Variants in DDX28 observed in about 807,000 individuals in gnomAD.
DDX28 encodes the protein probable ATP-dependent RNA helicase DDX28.
DDX28 carries 25 observed loss-of-function variants against 26.8 expected under a neutral mutation model. That is an observed-to-expected ratio of 0.93 (90% CI 0.68 to 1.30). The LOEUF (loss-of-function observed/expected upper bound fraction) is 1.30. Ranked by LOEUF, DDX28 falls within the 50% of genes most tolerant of loss-of-function variation. DDX28 has a pLI of 0.00. For synonymous variants in DDX28, 370 were observed against 311.9 expected, an observed-to-expected ratio of 1.19 and a Z score of -1.96; for missense variants, 790 against 695.1, an observed-to-expected ratio of 1.14 and a Z score of -1.53.
chr16:68,021,285 T>C lies in DDX28; in HGVS notation c.*295A>G. The C allele has an allele frequency of 2.6e-6, 1 of 387,438 alleles. No individual in the cohort carries two copies. The highest frequency in any genetic ancestry group is 4.7e-6 in the Non-Finnish European group (1 of 212,498). 24.0% of individuals were successfully genotyped at this position (387,438 alleles called of 1,614,324 possible). On this transcript the variant is annotated 3_prime_UTR_variant, in exon 1 of 1. Coordinates refer to ENST00000332395, the MANE Select transcript of DDX28 (RefSeq NM_018380.4). The stretch of plus-strand genomic sequence containing the variant: ...CAGAAACTACTGAATTCCGCCCCGG[T>C]GCTAATTATTCTTAGGGGAGGCACA...
Position 68,023,017 on chromosome 16 carries a change from A to T in DDX28, c.186T>A (p.Val62=). Residue 62 remains valine, a synonymous_variant, in exon 1 of 1, where the codon GTT becomes GTA. Coordinates refer to ENST00000332395, the MANE Select transcript of DDX28 (RefSeq NM_018380.4). ...CCGAAACCAGCAGCGGTCCGGGTCG[A>T]ACCAGCACCGGCCTCGGGAGGTTCC... ...RRRNLPRPVL[V]RPGPLLVSAR... 2 of 1,581,138 alleles carry T rather than the reference A, an allele frequency of 1.3e-6. No homozygotes were observed. The highest frequency in any genetic ancestry group is 1.7e-6 in the Non-Finnish European group (2 of 1,172,050).
At position 68,022,975 on chromosome 16, in the gene DDX28, C is replaced by T; in HGVS notation, c.228G>A (p.Leu76=). ...CCAGTGTGAGGCGCGCCGGCTGGTT[C>T]AACTCCGGCCGCCGCGCCGAAACCA... ...PLLVSARRPE[L]NQPARLTLGR... The change falls in exon 1 of 1, where the codon TTG becomes TTA. Residue 76 remains leucine (L), a synonymous_variant. Transcript: ENST00000332395. The T allele has an allele frequency of 6.5e-7, 1 of 1,550,088 alleles. No individual in the cohort carries two copies. Among genetic ancestry groups the T allele is most frequent in the Non-Finnish European group, 8.7e-7 (1 of 1,155,516 alleles).
At position 68,022,540 on chromosome 16, in the gene DDX28, A is replaced by G. The variant is rs779986783; in HGVS notation, c.663T>C (p.Ala221=). The G allele has an allele frequency of 8.1e-6, 13 of 1,613,820 alleles. No individual in the cohort carries two copies. The highest frequency in any genetic ancestry group is 1.1e-5 in the Non-Finnish European group (13 of 1,180,022). Reference sequence around the variant, plus strand: ...AGGAGCGGCCCAAGGGTTGGGCCACAGCCCGCACCTGTTGGGCCAATTCTC... The same window carrying G: ...AGGAGCGGCCCAAGGGTTGGGCCACGGCCCGCACCTGTTGGGCCAATTCTC... ...PSRELAQQVR[A]VAQPLGRSLG... is the part of the protein sequence containing the mutation. The change falls in exon 1 of 1, where the codon GCT becomes GCC. Residue 221 remains alanine, a synonymous_variant. Coordinates refer to ENST00000332395, the MANE Select transcript of DDX28 (RefSeq NM_018380.4).
In DDX28 at chr16:68,022,376, C is replaced by A. The variant is rs551189908; in HGVS notation, c.827G>T (p.Ser276Ile). The A allele has an allele frequency of 1.7e-4, 270 of 1,614,222 alleles. 4 individuals are homozygous for A. The South Asian group carries it at 2.9e-3, about 17-fold the overall frequency. The change falls in exon 1 of 1, where the codon AGT (serine) becomes ATT (isoleucine). Residue 276 changes from serine to isoleucine, a missense_variant. Coordinates refer to ENST00000332395, the MANE Select transcript of DDX28 (RefSeq NM_018380.4). ...LWKALKSRLI[S>I]LEQLSFLVLD... is the part of the protein sequence containing the mutation. ...CACCAAGAAGGAGAGTTGCTCCAGA[C>A]TGATCAGTCGACTTTTCAGGGCCTT...
In DDX28 at chr16:68,022,076, T is replaced by C; in HGVS notation, c.1127A>G (p.Asp376Gly). The C allele has an allele frequency of 1.2e-6, 2 of 1,614,218 alleles. No homozygotes were observed. The highest frequency in any genetic ancestry group is 1.7e-6 in the Non-Finnish European group (2 of 1,180,034). Reference protein sequence around the residue: ...KQTFLRLKGADKVAELVHILK... With the variant: ...KQTFLRLKGAGKVAELVHILK... ...GATGTGCACCAGCTCGGCCACCTTA[T>C]CTGCTCCCTTCAGTCTCAGAAATGT... Residue 376 changes from aspartate to glycine, a missense_variant, in exon 1 of 1, where the codon GAT becomes GGT. Coordinates refer to ENST00000332395, the MANE Select transcript of DDX28 (RefSeq NM_018380.4).
In DDX28 at chr16:68,022,137, AGCTGGTGAT is replaced by A; in HGVS notation, c.1057_1065del (p.Ile353_Ser355del). ...TGAGGCATGATACAGTGGAGCTTGG[AGCTGGTGAT>A]GGTGGTGACAGCATCTGGGCTGGCG... On this transcript the variant is annotated inframe_deletion, in exon 1 of 1. Transcript: ENST00000332395. 6.2e-7 allele frequency: 1 copy of A among 1,614,144 alleles called. No homozygotes were observed.
At position 68,021,964 on chromosome 16, in the gene DDX28, CA is replaced by C; in HGVS notation, c.1238del (p.Leu413ArgfsTer13). The C allele has an allele frequency of 6.2e-7, 1 of 1,614,182 alleles. No individual in the cohort carries two copies. Among genetic ancestry groups the C allele is most frequent in the Non-Finnish European group, 8.5e-7 (1 of 1,180,034 alleles). On this transcript the variant is annotated frameshift_variant, in exon 1 of 1. Coordinates refer to ENST00000332395, the MANE Select transcript of DDX28 (RefSeq NM_018380.4). LOFTEE classifies it high-confidence loss of function. ...TTTTGTGGTCATCCAGAATATATCCCAGCCAGTTCACAGTGCTGGAGCTATT... is the reference window on the plus strand; with the variant it reads ...TTTTGTGGTCATCCAGAATATATCCCGCCAGTTCACAGTGCTGGAGCTATT... The part of the protein sequence containing the change: ...FCNSSSTVNW[L>X]GYILDDHKIQ...
Position 68,022,847 on chromosome 16 carries a change from A to G in DDX28, c.356T>C (p.Val119Ala), listed in dbSNP as rs770839264. ...IERAQQEAPA[V>A]RKLSSKGSFA... ...GCTGCCCTTAGACGAGAGCTTTCGC[A>G]CCGCTGGCGCCTCCTGTTGCGCGCG... is the stretch of plus-strand genomic sequence containing the variant. The change falls in exon 1 of 1, where the codon GTG (valine) becomes GCG (alanine). Residue 119 changes from valine (V) to alanine (A), a missense_variant. Physicochemically the swap from Val to Ala is moderately conservative, Grantham distance 64. Coordinates refer to ENST00000332395, the MANE Select transcript of DDX28 (RefSeq NM_018380.4). 2 of 1,569,888 alleles carry G rather than the reference A, an allele frequency of 1.3e-6. No homozygotes were observed. The highest frequency in any genetic ancestry group is 1.2e-5 in the South Asian group (1 of 86,114).
rs765330276 is a variant in DDX28 at position 68,023,061 on chromosome 16, G to C, written c.142C>G (p.Gln48Glu). 5.0e-6 allele frequency: 8 copies of C among 1,599,134 alleles called. No homozygotes were observed. In the African/African-American group the frequency reaches 1.1e-4, roughly 21 times the overall value. Residue 48 changes from glutamine to glutamate, a missense_variant, in exon 1 of 1, where the codon CAG becomes GAG. Gln to Glu is a conservative substitution (Grantham distance 29). Coordinates refer to ENST00000332395, the MANE Select transcript of DDX28 (RefSeq NM_018380.4). ...IPVALQRQLE[Q>E]RQSRRRNLPR... ...AGGTTCCGCCGCCTGCTCTGCCGCT[G>C]TTCCAACTGCCGCTGTAGAGCCACT... is the stretch of plus-strand genomic sequence containing the variant.
In DDX28 at chr16:68,022,950, C is replaced by A. The variant is rs773726597; in HGVS notation, c.253G>T (p.Gly85Cys). The change falls in exon 1 of 1, where the codon GGC becomes TGC. Residue 85 changes from glycine to cysteine, a missense_variant. Gly to Cys is a radical substitution (Grantham distance 159). Coordinates refer to ENST00000332395, the MANE Select transcript of DDX28 (RefSeq NM_018380.4). Reference protein sequence around the residue: ...ELNQPARLTLGRWERAPLASQ... With the variant: ...ELNQPARLTLCRWERAPLASQ... ...GCTAGCGGCGCGCGCTCCCAACGGC[C>A]CAGTGTGAGGCGCGCCGGCTGGTTC... The A allele has an allele frequency of 3.9e-6, 6 of 1,552,014 alleles. No individual in the cohort carries two copies. In the East Asian group the frequency reaches 7.2e-5, roughly 19 times the overall value.
chr16:68,023,027 G>A lies in DDX28; in HGVS notation c.176C>T (p.Pro59Leu). 6.3e-7 allele frequency: 1 copy of A among 1,586,778 alleles called. No homozygotes were observed. The highest frequency in any genetic ancestry group is 8.5e-7 in the Non-Finnish European group (1 of 1,174,528). ...CAGCGGTCCGGGTCGAACCAGCACC[G>A]GCCTCGGGAGGTTCCGCCGCCTGCT... ...RQSRRRNLPRPVLVRPGPLLV... is the reference protein window; with the variant it reads ...RQSRRRNLPRLVLVRPGPLLV... Residue 59 changes from proline (P) to leucine (L), a missense_variant, in exon 1 of 1, where the codon CCG (proline) becomes CTG (leucine). Coordinates refer to ENST00000332395, the MANE Select transcript of DDX28 (RefSeq NM_018380.4).
Position 68,022,402 on chromosome 16 carries a change from C to G in DDX28, c.801G>C (p.Trp267Cys). 1.2e-6 allele frequency: 2 copies of G among 1,614,116 alleles called. No individual in the cohort carries two copies. Among genetic ancestry groups the G allele is most frequent in the Non-Finnish European group, 1.7e-6 (2 of 1,180,032 alleles). The change falls in exon 1 of 1, where the codon TGG becomes TGC. Residue 267 changes from tryptophan to cysteine, a missense_variant. Trp to Cys is a radical substitution (Grantham distance 215). Coordinates refer to ENST00000332395, the MANE Select transcript of DDX28 (RefSeq NM_018380.4). The part of the protein sequence containing the change: ...DVLVATPGAL[W>C]KALKSRLISL... ...TGATCAGTCGACTTTTCAGGGCCTT[C>G]CACAGAGCCCCTGGAGTGGCCACAA...
At position 68,021,933 on chromosome 16, in the gene DDX28, G is replaced by A; in HGVS notation, c.1270C>T (p.His424Tyr). 2 of 1,614,206 alleles carry A rather than the reference G, an allele frequency of 1.2e-6. No homozygotes were observed. Among genetic ancestry groups the A allele is most frequent in the Non-Finnish European group, 1.7e-6 (2 of 1,180,028 alleles). The change falls in exon 1 of 1, where the codon CAC (histidine) becomes TAC (tyrosine). Residue 424 changes from histidine (H) to tyrosine (Y), a missense_variant. Coordinates refer to ENST00000332395, the MANE Select transcript of DDX28 (RefSeq NM_018380.4). Reference sequence around the variant, plus strand: ...GGCATTTGCCCCTGCAACCTTAGGTGTTGGATTTTGTGGTCATCCAGAATA... The same window carrying A: ...GGCATTTGCCCCTGCAACCTTAGGTATTGGATTTTGTGGTCATCCAGAATA... ...GYILDDHKIQ[H>Y]LRLQGQMPAL...
rs1421187038 is a variant in DDX28 at position 68,021,530 on chromosome 16, C to T, written c.*50G>A. On this transcript the variant is annotated 3_prime_UTR_variant, in exon 1 of 1. Transcript: ENST00000332395. Reference sequence around the variant, plus strand: ...CAAGTGTGGTCACCCACTCAAGATACTGGGAAAGATCCCTGTTCTAGCATC... The same window carrying T: ...CAAGTGTGGTCACCCACTCAAGATATTGGGAAAGATCCCTGTTCTAGCATC... 1 of 1,569,750 alleles carries T rather than the reference C, an allele frequency of 6.4e-7. No individual in the cohort carries two copies. Among genetic ancestry groups the T allele is most frequent in the Non-Finnish European group, 8.7e-7 (1 of 1,155,404 alleles).
Position 68,022,103 on chromosome 16 carries a change from T to C in DDX28, c.1100A>G (p.Gln367Arg). Residue 367 changes from glutamine to arginine, a missense_variant, in exon 1 of 1, where the codon CAG becomes CGG. Coordinates refer to ENST00000332395, the MANE Select transcript of DDX28 (RefSeq NM_018380.4). ...KLHCIMPHVK[Q>R]TFLRLKGADK... Reference sequence around the variant, plus strand: ...TGCTCCCTTCAGTCTCAGAAATGTCTGTTTCACATGAGGCATGATACAGTG... The same window carrying C: ...TGCTCCCTTCAGTCTCAGAAATGTCCGTTTCACATGAGGCATGATACAGTG... 1 of 1,614,190 alleles carries C rather than the reference T, an allele frequency of 6.2e-7. No individual in the cohort carries two copies. Among genetic ancestry groups the C allele is most frequent in the Non-Finnish European group, 8.5e-7 (1 of 1,180,040 alleles).
chr16:68,021,346 A>C lies in DDX28; in HGVS notation c.*234T>G, dbSNP rs1365669908. Reference sequence around the variant, plus strand: ...ATTTATTGTTAGAAATCATGACATGATACAAAGTCAAAATCCACTTGTGTC... The same window carrying C: ...ATTTATTGTTAGAAATCATGACATGCTACAAAGTCAAAATCCACTTGTGTC... On this transcript the variant is annotated 3_prime_UTR_variant, in exon 1 of 1. Transcript: ENST00000332395. 1.8e-6 allele frequency: 1 copy of C among 554,226 alleles called. No homozygotes were observed. The highest frequency in any genetic ancestry group is 3.2e-6 in the Non-Finnish European group (1 of 313,726). 34.3% of individuals were successfully genotyped at this position (554,226 alleles called of 1,614,324 possible). A position where few individuals can be genotyped will look rare whatever the true frequency, so the allele number is the denominator to read the frequency against.
In DDX28 at chr16:68,022,667, G is replaced by A. The variant is rs774037563; in HGVS notation, c.536C>T (p.Thr179Ile). The change falls in exon 1 of 1, where the codon ACT becomes ATT. Residue 179 changes from threonine (T) to isoleucine (I), a missense_variant. Coordinates refer to ENST00000332395, the MANE Select transcript of DDX28 (RefSeq NM_018380.4). The part of the protein sequence containing the change: ...VCAAETGSGK[T>I]LSYLLPLLQR... ...AAGCAGCGGCAGGAGGTAGCTGAGA[G>A]TCTTGCCACTGCCGGTTTCTGCGGC... 7.8e-5 allele frequency: 126 copies of A among 1,613,112 alleles called. No individual in the cohort carries two copies. Among genetic ancestry groups the A allele is most frequent in the Non-Finnish European group, 1.0e-4 (122 of 1,179,974 alleles).
Position 68,022,017 on chromosome 16 carries a change from G to A in DDX28, c.1186C>T (p.Pro396Ser), listed in dbSNP as rs1248676056. 1.2e-6 allele frequency: 2 copies of A among 1,614,032 alleles called. No individual in the cohort carries two copies. Among genetic ancestry groups the A allele is most frequent in the African/African-American group, 2.7e-5 (2 of 74,904 alleles). ...CAGAACACCAGAACAGTTCCTGAGG[G>A]ACCAGTCCTTTCTGCTCTGTCACGA... Reference protein sequence around the residue: ...KHRDRAERTGPSGTVLVFCNS... With the variant: ...KHRDRAERTGSSGTVLVFCNS... The change falls in exon 1 of 1, where the codon CCC becomes TCC. Residue 396 changes from proline to serine, a missense_variant. Physicochemically the swap from Pro to Ser is moderately conservative, Grantham distance 74. Transcript: ENST00000332395.
rs766801673 is a variant in DDX28 at position 68,022,116 on chromosome 16, G to C, written c.1087C>G (p.Pro363Ala). The stretch of plus-strand genomic sequence containing the variant: ...CTCAGAAATGTCTGTTTCACATGAG[G>C]CATGATACAGTGGAGCTTGGAGCTG... ...ITSSKLHCIM[P>A]HVKQTFLRLK... The change falls in exon 1 of 1, where the codon CCT becomes GCT. Residue 363 changes from proline (P) to alanine (A), a missense_variant. Coordinates refer to ENST00000332395, the MANE Select transcript of DDX28 (RefSeq NM_018380.4). 2 of 1,614,086 alleles carry C rather than the reference G, an allele frequency of 1.2e-6. No individual in the cohort carries two copies. The highest frequency in any genetic ancestry group is 3.3e-5 in the Admixed American group (2 of 59,998).
Sources: allele counts gnomAD v4.1 joint callset, GRCh38; gene constraint gnomAD v4.1.1; transcripts MANE v1.5; gene names NCBI Gene and HGNC (gene_info 2026-07-23, HGNC 2026-07-21).